Variants in CFL2 observed in about 807,000 individuals in gnomAD.
CFL2 encodes the protein cofilin-2.
CFL2 carries 10 observed loss-of-function variants against 19.6 expected under a neutral mutation model. That is an observed-to-expected ratio of 0.51 (90% CI 0.31 to 0.86). The LOEUF (loss-of-function observed/expected upper bound fraction) is 0.86, where lower values mean the gene tolerates loss of function less well. Ranked by LOEUF, CFL2 falls within the 40% of genes least tolerant of loss-of-function variation. The pLI, the probability that CFL2 is intolerant of heterozygous loss-of-function variation, is 0.04. For missense variants in CFL2, 125 were observed against 192.1 expected, an observed-to-expected ratio of 0.65 and a Z score of 2.06; for synonymous variants, 63 against 66.7, an observed-to-expected ratio of 0.95 and a Z score of 0.27.
chr14:34,713,407 T>C lies in CFL2; in HGVS notation c.158A>G (p.Lys53Arg). 1 of 1,614,182 alleles carries C rather than the reference T, an allele frequency of 6.2e-7. No individual in the cohort carries two copies. The highest frequency in any genetic ancestry group is 8.5e-7 in the Non-Finnish European group (1 of 1,180,032). The change falls in exon 2 of 4, where the codon AAG becomes AGG. Residue 53 changes from lysine (K) to arginine (R), a missense_variant. Coordinates refer to ENST00000298159, the MANE Select transcript of CFL2 (RefSeq NM_138638.5). Reference protein sequence around the residue: ...DKRQIIVEEAKQILVGDIGDT... With the variant: ...DKRQIIVEEARQILVGDIGDT... ...ACCAATGTCACCCACCAAGATCTGC[T>C]TTGCTTCCTCTACAATTATTTGTCT...
In CFL2 at chr14:34,711,199, T is replaced by C; in HGVS notation, c.*1666A>G. 1 of 454,402 alleles carries C rather than the reference T, an allele frequency of 2.2e-6. No homozygotes were observed. Among genetic ancestry groups the C allele is most frequent in the South Asian group, 1.6e-5 (1 of 64,478 alleles). The allele number at this position is 454,402 out of a possible 1,614,324, so 28.1% of individuals were successfully genotyped here. ...CAAAAAAAATTTTTAAGGGATATTTTCTTTCCTGTTTTCTGCTAAAAGCAT... is the reference window on the plus strand; with the variant it reads ...CAAAAAAAATTTTTAAGGGATATTTCCTTTCCTGTTTTCTGCTAAAAGCAT... On this transcript the variant is annotated 3_prime_UTR_variant, in exon 4 of 4. Coordinates refer to ENST00000298159, the MANE Select transcript of CFL2 (RefSeq NM_138638.5).
chr14:34,712,981 A>G lies in CFL2; in HGVS notation c.389-4T>C, dbSNP rs747636094. ...ACTTGCCACTCATGTTTAATACCTAAAAAGAAAAAACATTATCCTATTACT... is the reference window on the plus strand; with the variant it reads ...ACTTGCCACTCATGTTTAATACCTAGAAAGAAAAAACATTATCCTATTACT... On this transcript the variant is annotated splice_region_variant and splice_polypyrimidine_tract_variant and intron_variant, in intron 3 of 3. Coordinates refer to ENST00000298159, the MANE Select transcript of CFL2 (RefSeq NM_138638.5). 28 of 1,588,938 alleles carry G rather than the reference A, an allele frequency of 1.8e-5. No individual in the cohort carries two copies. The highest frequency in any genetic ancestry group is 2.3e-5 in the Non-Finnish European group (27 of 1,157,770).
chr14:34,714,081 G>C (rs1177174316), intron 1 of CFL2: 11 of 379,312 alleles, frequency 2.9e-5, no homozygotes, highest in Non-Finnish European at 4.8e-5. Context: ...GAGTGTAAAA[G>C]CTTTTACGGC....
rs34155547 is a variant in CFL2 at position 34,709,622 on chromosome 14, CAAAA to C, written c.*3239_*3242del. On this transcript the variant is annotated 3_prime_UTR_variant, in exon 4 of 4. Transcript: ENST00000298159. Reference sequence around the variant, plus strand: ...AAACTCAGTCTCTACAAAAGAGATACAAAAAAAAAAAAAAAAAAAATTAGGCATG... The same window carrying C: ...AAACTCAGTCTCTACAAAAGAGATACAAAAAAAAAAAAAAAATTAGGCATG... The C allele has an allele frequency of 2.0e-5, 2 of 97,768 alleles. No individual in the cohort carries two copies. Among genetic ancestry groups the C allele is most frequent in the Non-Finnish European group, 2.0e-5 (1 of 50,760 alleles). The allele number at this position is 97,768 out of a possible 1,614,324, so 6.1% of individuals were successfully genotyped here.
At chr14:34,714,426 A>C (rs1203348956) in intron 1 of CFL2, 112 bp downstream of exon 1, 1 of 1,444,166 alleles carries the variant, frequency 6.9e-7, no homozygotes, top group African/African-American at 1.5e-5. Flanking sequence ...GCAGAGCAGA[A>C]GCGCCCACCT....
rs533833167 is a variant in CFL2 at position 34,713,676 on chromosome 14, T to C, written c.4-115A>G. 8 of 1,613,218 alleles carry C rather than the reference T, an allele frequency of 5.0e-6. No individual in the cohort carries two copies. In the East Asian group the frequency reaches 1.1e-4, roughly 22 times the overall value. ...GGACATCAAAAATTGCACCGTACCA[T>C]GTAAGTCGTCCAATCAGATTTGTCA... is the stretch of plus-strand genomic sequence containing the variant. On this transcript the variant is annotated intron_variant, in intron 1 of 3. Transcript: ENST00000298159.
Position 34,711,355 on chromosome 14 carries a change from T to A in CFL2, c.*1510A>T. The A allele has an allele frequency of 2.2e-6, 1 of 454,534 alleles. No homozygotes were observed. Among genetic ancestry groups the A allele is most frequent in the South Asian group, 1.6e-5 (1 of 64,480 alleles). The allele number at this position is 454,534 out of a possible 1,614,324, so 28.2% of individuals were successfully genotyped here. On this transcript the variant is annotated 3_prime_UTR_variant, in exon 4 of 4. Coordinates refer to ENST00000298159, the MANE Select transcript of CFL2 (RefSeq NM_138638.5). ...CTATGACAAGATACAAAAGCATGTG[T>A]TTGCCATAAATAGCCCTGGCTAACA...
rs1381040447 is a variant in CFL2 at position 34,710,370 on chromosome 14, C to T, written c.*2495G>A. ...GAAAAACAGAATAAAGATAATGATG[C>T]CTCTTTGATCTGAAATACCAGTTTT... On this transcript the variant is annotated 3_prime_UTR_variant, in exon 4 of 4. Transcript: ENST00000298159. 4.1e-6 allele frequency: 1 copy of T among 242,042 alleles called. No individual in the cohort carries two copies. The highest frequency in any genetic ancestry group is 8.3e-6 in the Non-Finnish European group (1 of 120,012). 15.0% of individuals were successfully genotyped at this position (242,042 alleles called of 1,614,324 possible).
rs1299480887 is a variant in CFL2, at chr14:34,713,302, G to A, written c.263C>T (p.Thr88Ile). The change falls in exon 2 of 4, where the codon ACA (threonine) becomes ATA (isoleucine). Residue 88 changes from threonine (T) to isoleucine (I), a missense_variant. Thr to Ile is a moderately conservative substitution (Grantham distance 89). Coordinates refer to ENST00000298159, the MANE Select transcript of CFL2 (RefSeq NM_138638.5). ...TTTCTTAGACTCTTTTGTTTCGTAT[G>A]TGGCATCGTACAAAGCATATCGGCA... ...NDCRYALYDA[T>I]YETKESKKED... is the part of the protein sequence containing the mutation. 1 of 1,613,334 alleles carries A rather than the reference G, an allele frequency of 6.2e-7. No individual in the cohort carries two copies. Among genetic ancestry groups the A allele is most frequent in the Non-Finnish European group, 8.5e-7 (1 of 1,179,842 alleles).
Position 34,712,323 on chromosome 14 carries a change from A to G in CFL2, c.*542T>C. On this transcript the variant is annotated 3_prime_UTR_variant, in exon 4 of 4. Coordinates refer to ENST00000298159, the MANE Select transcript of CFL2 (RefSeq NM_138638.5). Reference sequence around the variant, plus strand: ...ACACAGTTAACAAAACTTAATTGGCATTCCTTTTAGGATATTAAACTTATT... The same window carrying G: ...ACACAGTTAACAAAACTTAATTGGCGTTCCTTTTAGGATATTAAACTTATT... 2.2e-6 allele frequency: 1 copy of G among 454,598 alleles called. No individual in the cohort carries two copies. Among genetic ancestry groups the G allele is most frequent in the Non-Finnish European group, 4.4e-6 (1 of 226,800 alleles). The allele number at this position is 454,598 out of a possible 1,614,324, so 28.2% of individuals were successfully genotyped here.
rs1885319647 is a variant in CFL2, at chr14:34,712,120, T to A, written c.*745A>T. ...CTCTTTTATACAGAAATTGCCATCA[T>A]GACTGATATTCAAAATATCTTTAGT... On this transcript the variant is annotated 3_prime_UTR_variant, in exon 4 of 4. Transcript: ENST00000298159. The A allele has an allele frequency of 2.2e-6, 1 of 454,550 alleles. No individual in the cohort carries two copies. The allele number at this position is 454,550 out of a possible 1,614,324, so 28.2% of individuals were successfully genotyped here.
chr14:34,713,796 A>G, intron 1 of CFL2: 1 of 1,602,664 alleles, frequency 6.2e-7, no homozygotes, highest in South Asian at 1.1e-5. Flanking sequence ...AGCGAAAGGG[A>G]CAAATACAAG....
Position 34,712,769 on chromosome 14 carries a change from G to C in CFL2, c.*96C>G, listed in dbSNP as rs1306778816. 1 of 774,694 alleles carries C rather than the reference G, an allele frequency of 1.3e-6. No individual in the cohort carries two copies. Among genetic ancestry groups the C allele is most frequent in the East Asian group, 2.5e-5 (1 of 40,222 alleles). The allele number at this position is 774,694 out of a possible 1,614,324, so 48.0% of individuals were successfully genotyped here. On this transcript the variant is annotated 3_prime_UTR_variant, in exon 4 of 4. Transcript: ENST00000298159. The stretch of plus-strand genomic sequence containing the variant: ...GTTGGAAGGGCCCAGTGGAAAGGGG[G>C]AAATACAACAAAAAACCAAAACCTA...
At position 34,711,758 on chromosome 14, in the gene CFL2, C is replaced by T. The variant is rs934466385; in HGVS notation, c.*1107G>A. 9.0e-6 allele frequency: 4 copies of T among 442,762 alleles called. No individual in the cohort carries two copies. Among genetic ancestry groups the T allele is most frequent in the Admixed American group, 5.1e-5 (2 of 39,304 alleles). 27.4% of individuals were successfully genotyped at this position (442,762 alleles called of 1,614,324 possible). A position where few individuals can be genotyped will look rare whatever the true frequency, so the allele number is the denominator to read the frequency against. The stretch of plus-strand genomic sequence containing the variant: ...AAATAATTTCTGATCTTCATATTAA[C>T]ACATAGGAAATAAATACACTAATGT... On this transcript the variant is annotated 3_prime_UTR_variant, in exon 4 of 4. Transcript: ENST00000298159.
At position 34,712,621 on chromosome 14, in the gene CFL2, G is replaced by A. The variant is rs1310322211; in HGVS notation, c.*244C>T. Reference sequence around the variant, plus strand: ...CTGCAAGGGAGGCATATAACCAGTTGTTTTGGCTAAAATATGACAGGAAGG... The same window carrying A: ...CTGCAAGGGAGGCATATAACCAGTTATTTTGGCTAAAATATGACAGGAAGG... On this transcript the variant is annotated 3_prime_UTR_variant, in exon 4 of 4. Transcript: ENST00000298159. The A allele has an allele frequency of 3.2e-6, 2 of 629,292 alleles. No homozygotes were observed. The highest frequency in any genetic ancestry group is 5.9e-6 in the Non-Finnish European group (2 of 340,806). 39.0% of individuals were successfully genotyped at this position (629,292 alleles called of 1,614,324 possible).
Position 34,712,576 on chromosome 14 carries a change from CACAT to C in CFL2, c.*285_*288del, listed in dbSNP as rs1261724501. Reference sequence around the variant, plus strand: ...ATTCTAAGCTATTCACATTGACGATCACATACATTGTAGTGCTTGCTGCAAGGGA... The same window carrying C: ...ATTCTAAGCTATTCACATTGACGATCACATTGTAGTGCTTGCTGCAAGGGA... On this transcript the variant is annotated 3_prime_UTR_variant, in exon 4 of 4. Coordinates refer to ENST00000298159, the MANE Select transcript of CFL2 (RefSeq NM_138638.5). The C allele has an allele frequency of 1.8e-6, 1 of 550,264 alleles. No homozygotes were observed. Among genetic ancestry groups the C allele is most frequent in the Admixed American group, 2.2e-5 (1 of 45,592 alleles). The allele number at this position is 550,264 out of a possible 1,614,324, so 34.1% of individuals were successfully genotyped here. A position where few individuals can be genotyped will look rare whatever the true frequency, so the allele number is the denominator to read the frequency against.
chr14:34,713,678 T>A, intron 1 of CFL2, 117 bp from the exon 2 acceptor site: 1 of 1,613,218 alleles, frequency 6.2e-7, no homozygotes, highest in South Asian at 1.1e-5. Flanking sequence ...CCGTACCATG[T>A]AAGTCGTCCA....
At chr14:34,713,866 C>A (rs2138475875) in intron 1 of CFL2, 1 of 1,487,310 alleles carries the variant, frequency 6.7e-7, no homozygotes, top group Non-Finnish European at 8.9e-7. Flanking sequence ...TCAGGAGTGG[C>A]AGCAAAAATA....
rs1261134356 is a variant in CFL2 at position 34,709,346 on chromosome 14, TG to T, written c.*3518del. Reference sequence around the variant, plus strand: ...ATTGCATTATGAGAGGAAATTTAAGTGGAGGGATGATTCCTCTACTTCTACA... The same window carrying T: ...ATTGCATTATGAGAGGAAATTTAAGTGAGGGATGATTCCTCTACTTCTACA... On this transcript the variant is annotated 3_prime_UTR_variant, in exon 4 of 4. Coordinates refer to ENST00000298159, the MANE Select transcript of CFL2 (RefSeq NM_138638.5). The T allele has an allele frequency of 6.6e-6, 1 of 152,096 alleles. No homozygotes were observed. Among genetic ancestry groups the T allele is most frequent in the Non-Finnish European group, 1.5e-5 (1 of 67,996 alleles). The allele number at this position is 152,096 out of a possible 1,614,324, so 9.4% of individuals were successfully genotyped here.
Sources: gnomAD v4.1 joint callset for allele counts on GRCh38, gnomAD v4.1.1 for gene constraint, MANE v1.5 for transcripts, NCBI Gene and HGNC (gene_info 2026-07-23, HGNC 2026-07-21) for gene names.